TLE4: variants seen among roughly 807,000 people sequenced by gnomAD.
TLE4 encodes transducin-like enhancer protein 4.
In TLE4, 8 loss-of-function variants were observed where a neutral mutation model predicts 92.8. The observed-to-expected ratio is 0.09, with a 90% CI of 0.05 to 0.16. The LOEUF is 0.16. Ranked by LOEUF, TLE4 falls within the 10% of genes least tolerant of loss-of-function variation. The pLI, the probability that TLE4 is intolerant of heterozygous loss-of-function variation, is 1.00. For synonymous variants in TLE4, 371 were observed against 374.1 expected (o/e 0.99, Z 0.10); for missense variants, 675 against 997.6 (o/e 0.68, Z 4.36).
chr9:79,704,502 A>G (rs1447218095), intron 8 of TLE4: 2 of 426,362 alleles, frequency 4.7e-6, no homozygotes, highest in African/African-American at 4.1e-5. Flanking sequence ...AATTCCTGCC[A>G]CCCTTTTTAT....
chr9:79,642,345 G>A (rs1028572750), intron 6 of TLE4, among the ~76,000 whole-genome samples: 5 of 151,878 alleles, frequency 3.3e-5, no homozygotes, highest in African/African-American at 1.2e-4. Flanking sequence ...AGCCTCAAAT[G>A]CCTGGGCTCA....
chr9:79,713,113 A>AC (rs1339321767), intron 14 of TLE4, among the ~76,000 whole-genome samples: 1 of 152,184 alleles, frequency 6.6e-6, no homozygotes, highest in African/African-American at 2.4e-5. Flanking sequence ...TCTCATTGTG[A>AC]CCTCAAGGTC....
In TLE4 at chr9:79,722,646, C is replaced by T. The variant is rs2075822908; in HGVS notation, c.2137+45C>T. ...CCATTTTCTGTCAACCAGAATTGCT[C>T]CTTCCCCCTTCCTGTGTTTTTATTT... On this transcript the variant is annotated intron_variant, in intron 18 of 19. Transcript: ENST00000376552. The T allele has an allele frequency of 5.6e-6, 9 of 1,598,660 alleles. No individual in the cohort carries two copies. In the South Asian group the frequency reaches 6.7e-5, roughly 12 times the overall value.
At chr9:79,661,304 C>T (rs1564723831) in intron 8 of TLE4, among the ~76,000 whole-genome samples, 1 of 152,180 alleles carries the variant, frequency 6.6e-6, no homozygotes, top group Non-Finnish European at 1.5e-5. Context: ...GTTTAATACT[C>T]TTGTTCTTCT....
intron 14 of TLE4, among the ~76,000 whole-genome samples, chr9:79,713,841 A>C (rs535747816): frequency 8.4e-6 from 1 of 119,118 alleles, no homozygotes; most frequent in South Asian, 3.2e-4. Flanking sequence ...TGTTGGAATA[A>C]TTGTTGTTGT....
intron 3 of TLE4, chr9:79,575,722 C>CT (rs1182102347): frequency 6.4e-6 from 1 of 156,830 alleles, no homozygotes; most frequent in African/African-American, 2.4e-5. Context: ...AAATCAAACT[C>CT]TAAGTAGCAT....
chr9:79,700,923 T>C (rs1158772875), intron 8 of TLE4, among the ~76,000 whole-genome samples: 5 of 152,178 alleles, frequency 3.3e-5, no homozygotes, highest in Non-Finnish European at 7.3e-5. Flanking sequence ...TTTGTAGATT[T>C]ATAGGGTCAC....
chr9:79,588,580 G>T (rs1011840595), intron 4 of TLE4, among the ~76,000 whole-genome samples: 1 of 152,104 alleles, frequency 6.6e-6, no homozygotes, highest in Non-Finnish European at 1.5e-5. Flanking sequence ...TAGATTAGTG[G>T]ACTCATTCAT....
At chr9:79,573,430 G>A in intron 1 of TLE4, 1 of 1,192,452 alleles carries the variant, frequency 8.4e-7, no homozygotes, top group Non-Finnish European at 1.1e-6. Context: ...GCCGGGGAGG[G>A]GAGACGGGAC....
intron 16 of TLE4, 37 bp downstream of exon 16, chr9:79,720,330 G>C (rs773984175): frequency 1.9e-6 from 3 of 1,584,328 alleles, no homozygotes; most frequent in African/African-American, 2.7e-5. Flanking sequence ...TTGTGAGGAG[G>C]AGCCGATTTT....
intron 6 of TLE4, among the ~76,000 whole-genome samples, chr9:79,635,061 A>G (rs1587613632): frequency 1.3e-5 from 2 of 152,198 alleles, no homozygotes; most frequent in East Asian, 3.9e-4. Flanking sequence ...TCTCAGAGTG[A>G]TTCTACTATT....
chr9:79,702,787 C>G (rs532553663), intron 8 of TLE4, among the ~76,000 whole-genome samples: 5 of 152,300 alleles, frequency 3.3e-5, no homozygotes, highest in Admixed American at 2.0e-4. Context: ...TCTCCCCCAC[C>G]AAACTCCCAC....
chr9:79,596,111 G>A (rs539142627), intron 4 of TLE4, among the ~76,000 whole-genome samples: 5 of 152,112 alleles, frequency 3.3e-5, no homozygotes, highest in Non-Finnish European at 5.9e-5. Context: ...CTCCCAAAGT[G>A]CTGGGATTAC....
At chr9:79,638,206 A>G (rs953057384) in intron 6 of TLE4, among the ~76,000 whole-genome samples, 3 of 152,156 alleles carry the variant, frequency 2.0e-5, no homozygotes, top group African/African-American at 7.2e-5. Flanking sequence ...CCACCAGGCC[A>G]GTGGCTAGTC....
At chr9:79,597,936 T>C (rs1587881557) in intron 4 of TLE4, among the ~76,000 whole-genome samples, 1 of 151,960 alleles carries the variant, frequency 6.6e-6, no homozygotes, top group Non-Finnish European at 1.5e-5. Flanking sequence ...GCCACCATAT[T>C]TAAAAGGACT....
intron 10 of TLE4, among the ~76,000 whole-genome samples, chr9:79,706,540 T>G (rs868764356): frequency 1.7e-4 from 26 of 152,176 alleles, no homozygotes; most frequent in African/African-American, 6.0e-4. Context: ...CTTTGGGTTT[T>G]AAATAAGTAC....
In TLE4 at chr9:79,608,125, A is replaced by T. The variant is rs369458386; in HGVS notation, c.253-4531A>T. Among the ~76,000 whole-genome samples the T allele has an allele frequency of 7.9e-5, 12 of 152,208 alleles. No homozygotes were observed. In the East Asian group the frequency reaches 2.3e-3, roughly 29 times the overall value. ...CTATGTTGAATAGGAGTTAATAGCT[A>T]AGATTAGTTTTATGTGTTACATGTT... On this transcript the variant is annotated intron_variant, in intron 4 of 19. Transcript: ENST00000376552.
chr9:79,575,098 G>A (rs2037310156), intron 3 of TLE4, 162 bp downstream of exon 3: 1 of 443,820 alleles, frequency 2.3e-6, no homozygotes, highest in African/African-American at 2.0e-5. Context: ...ATTCTAGGCT[G>A]TTATAACTTG....
At chr9:79,575,730 C>A in intron 3 of TLE4, 1 of 158,778 alleles carries the variant, frequency 6.3e-6, no homozygotes, top group Non-Finnish European at 1.4e-5. Flanking sequence ...CTCTAAGTAG[C>A]ATCACCTTTT....
Sources: gnomAD v4.1 joint callset for allele counts (sites outside exome capture counted in the v4.1 genomes callset) on GRCh38, gnomAD v4.1.1 for gene constraint, MANE v1.5 for transcripts, NCBI Gene and HGNC (gene_info 2026-07-23, HGNC 2026-07-21) for gene names.